The following PCNX2 variants were observed in gnomAD, a reference collection of about 807,000 sequenced individuals.
PCNX2 encodes the protein pecanex-like protein 2.
Under a neutral mutation model 223.8 loss-of-function variants are expected in PCNX2, and 168 were observed. That is an observed-to-expected ratio of 0.75 (90% CI 0.66 to 0.85). The LOEUF (loss-of-function observed/expected upper bound fraction) is 0.85, where lower values mean the gene tolerates loss of function less well. PCNX2 is among the 40% of genes least tolerant of loss of function. PCNX2 has a pLI of 0.00. For synonymous variants in PCNX2, 1,006 were observed against 1,052.6 expected (o/e 0.96, Z 0.86); for missense variants, 2,507 against 2,675.5 (o/e 0.94, Z 1.39).
At chr1:233,242,098 T>C (rs1658805516) in intron 8 of PCNX2, among the ~76,000 whole-genome samples, 1 of 151,900 alleles carries the variant, frequency 6.6e-6, no homozygotes, top group South Asian at 2.1e-4. Flanking sequence ...TCTGAGGAGG[T>C]AGTAAAGATT....
chr1:233,094,533 G>A (rs959683097), intron 22 of PCNX2, among the ~76,000 whole-genome samples: 1 of 152,158 alleles, frequency 6.6e-6, no homozygotes, highest in Non-Finnish European at 1.5e-5. Context: ...AATGTGTATT[G>A]TGAGATCCAC....
At position 233,192,481 on chromosome 1, in the gene PCNX2, G is replaced by A. The variant is rs75752068; in HGVS notation, c.3066+6458C>T. ...ACAGGTCTATGAACTGAACAGAGAC[G>A]ATGCTAGGTTATCAAAGACATATTC... is the stretch of plus-strand genomic sequence containing the variant. On this transcript the variant is annotated intron_variant, in intron 15 of 33. Transcript: ENST00000258229. Among the ~76,000 whole-genome samples, 978 of 152,184 alleles carry A rather than the reference G, an allele frequency of 6.4e-3. 32 individuals carry two copies. In the East Asian group the frequency reaches 0.079, roughly 12 times the overall value.
At position 233,014,672 on chromosome 1, in the gene PCNX2, C is replaced by A; in HGVS notation, c.4945G>T (p.Ala1649Ser). 1 of 1,613,782 alleles carries A rather than the reference C, an allele frequency of 6.2e-7. No homozygotes were observed. Among genetic ancestry groups the A allele is most frequent in the Non-Finnish European group, 8.5e-7 (1 of 1,179,712 alleles). The change falls in exon 28 of 34, where the codon GCC (alanine) becomes TCC (serine). Residue 1649 changes from alanine (A) to serine (S), a missense_variant. Around this residue, in one of 3 missense-constraint regions of PCNX2, gnomAD observed 1,372 missense variants for 1,509.4 expected, o/e 0.91. Coordinates refer to ENST00000258229, the MANE Select transcript of PCNX2 (RefSeq NM_014801.4). The part of the protein sequence containing the change: ...RALGTAAHNM[A>S]ISLDSFLYGL... ...ACTTCTCCCCCCAGGTACCTGATGG[C>A]CATATTGTGAGCGGCTGTTCCCAGA...
At chr1:233,195,951 A>T (rs1680704255) in intron 15 of PCNX2, among the ~76,000 whole-genome samples, 1 of 152,170 alleles carries the variant, frequency 6.6e-6, no homozygotes, top group Admixed American at 6.5e-5. Flanking sequence ...AAGAAATATG[A>T]CCTTTAATAG....
intron 19 of PCNX2, among the ~76,000 whole-genome samples, chr1:233,152,689 T>C (rs764771043): frequency 1.9e-4 from 29 of 152,196 alleles, no homozygotes; most frequent in Non-Finnish European, 3.1e-4. Flanking sequence ...ATGTATGACA[T>C]GTACATCCAG....
chr1:233,032,312 A>G (rs546143496), intron 25 of PCNX2, among the ~76,000 whole-genome samples: 1 of 152,126 alleles, frequency 6.6e-6, no homozygotes, highest in South Asian at 2.1e-4. Context: ...CCTGTTGGTC[A>G]TGCTGGTCTC....
chr1:233,167,459 T>C (rs77211860), intron 17 of PCNX2, among the ~76,000 whole-genome samples: 7,483 of 152,172 alleles, frequency 0.049, 236 homozygotes, highest in Middle Eastern at 0.11. Context: ...GTAGCAGATA[T>C]GTAGGATAAA....
At chr1:233,107,605 G>C (rs746952029) in intron 21 of PCNX2, among the ~76,000 whole-genome samples, 49 of 151,474 alleles carry the variant, frequency 3.2e-4, no homozygotes, top group Non-Finnish European at 5.2e-4. Flanking sequence ...ACTTCAGAAG[G>C]CTTCTGGTTT....
At chr1:233,325,681 C>T in the PCNX2 span, among the ~76,000 whole-genome samples, 4 of 151,956 alleles carry the variant, frequency 2.6e-5, no homozygotes, top group Admixed American at 6.6e-5. Context: ...CAAACTTGAA[C>T]AGATGAGGAG....
intron 21 of PCNX2, among the ~76,000 whole-genome samples, chr1:233,099,987 A>G (rs181580850): frequency 2.2e-4 from 34 of 152,334 alleles, no homozygotes; most frequent in African/African-American, 7.5e-4. Flanking sequence ...CACTCCTAAC[A>G]TTCTACTTCC....
Position 233,000,446 on chromosome 1 carries a change from G to A in PCNX2, c.5187C>T (p.His1729=), listed in dbSNP as rs377277630. The part of the protein sequence containing the change: ...QSFEKKVVIC[H]EGDPAWRGAV... Reference sequence around the variant, plus strand: ...CGCCCCGCCAGGCCGGGTCGCCCTCGTGGCAGATGACCACCTTCTTCTCGA... The same window carrying A: ...CGCCCCGCCAGGCCGGGTCGCCCTCATGGCAGATGACCACCTTCTTCTCGA... Residue 1729 remains histidine, a synonymous_variant, in exon 30 of 34, where the codon CAC becomes CAT. Transcript: ENST00000258229. The surrounding 1 kb of genome is among the most constrained non-coding windows in gnomAD (Gnocchi z 4.6). The A allele has an allele frequency of 2.4e-5, 39 of 1,598,028 alleles. No individual in the cohort carries two copies. The highest frequency in any genetic ancestry group is 1.5e-4 in the African/African-American group (11 of 74,528).
chr1:233,109,169 C>A (rs551798313), intron 21 of PCNX2, among the ~76,000 whole-genome samples: 3 of 152,200 alleles, frequency 2.0e-5, no homozygotes, highest in Non-Finnish European at 2.9e-5. Flanking sequence ...CTCCTCCCCC[C>A]ATATCAGAAG....
chr1:233,009,456 A>G (rs1670391932), intron 28 of PCNX2, among the ~76,000 whole-genome samples: 1 of 152,264 alleles, frequency 6.6e-6, no homozygotes, highest in South Asian at 2.1e-4. Context: ...TGAAATAATA[A>G]TTAACAAAAT....
intron 10 of PCNX2, among the ~76,000 whole-genome samples, chr1:233,221,180 G>T (rs532137507): frequency 8.0e-6 from 1 of 124,674 alleles, no homozygotes; most frequent in East Asian, 2.7e-4. Flanking sequence ...TAATCATGAG[G>T]CTCAAGTTGA....
chr1:233,078,186 C>T (rs551288533), intron 23 of PCNX2, among the ~76,000 whole-genome samples: 1 of 152,324 alleles, frequency 6.6e-6, no homozygotes, highest in Non-Finnish European at 1.5e-5. Context: ...AAAAGCCTCC[C>T]AGTACCTACA....
intron 26 of PCNX2, among the ~76,000 whole-genome samples, chr1:233,018,292 G>A (rs1185914274): frequency 3.9e-5 from 6 of 152,036 alleles, no homozygotes; most frequent in Admixed American, 3.3e-4. Flanking sequence ...CAAAGTGCGA[G>A]GATTACAGGG....
rs61731486 is a variant in PCNX2 at position 232,986,356 on chromosome 1, C to T, written c.5976G>A (p.Thr1992=). The part of the protein sequence containing the change: ...GSRLSLHASA[T]SLHSQPPPVT... ...CGGGCGGGGGCTGAGAGTGCAGGGA[C>T]GTGGCCGAGGCGTGCAAGGAGAGCC... is the stretch of plus-strand genomic sequence containing the variant. The change falls in exon 33 of 34, where the codon ACG becomes ACA. Residue 1992 remains threonine (T), a synonymous_variant. Transcript: ENST00000258229. 23 of 1,600,708 alleles carry T rather than the reference C, an allele frequency of 1.4e-5. No individual in the cohort carries two copies. Among genetic ancestry groups the T allele is most frequent in the Middle Eastern group, 1.7e-4 (1 of 5,958 alleles).
At chr1:233,127,520 C>A (rs1676173699) in intron 21 of PCNX2, among the ~76,000 whole-genome samples, 1 of 152,092 alleles carries the variant, frequency 6.6e-6, no homozygotes. Context: ...ACTATCACCT[C>A]CCTTATCATC....
In PCNX2 at chr1:233,218,093, T is replaced by C; in HGVS notation, c.2596A>G (p.Lys866Glu). The change falls in exon 11 of 34, where the codon AAA (lysine) becomes GAA (glutamate). Residue 866 changes from lysine (K) to glutamate (E), a missense_variant. Lys to Glu is a moderately conservative substitution (Grantham distance 56). Coordinates refer to ENST00000258229, the MANE Select transcript of PCNX2 (RefSeq NM_014801.4). ...GFLTLSQGFC[K>E]DMWVLLFCLV... ...CAGAAGAGGAGCACCCACATATCTT[T>C]GCAAAAGCCTTGGCTCAAGGTCAGA... is the stretch of plus-strand genomic sequence containing the variant. 6.3e-7 allele frequency: 1 copy of C among 1,576,744 alleles called. No homozygotes were observed.
Sources: gnomAD v4.1 joint callset for allele counts (sites outside exome capture counted in the v4.1 genomes callset) on GRCh38, gnomAD v4.1.1 for gene constraint, gnomAD v4.1.1 regional missense constraint, Gnocchi (gnomAD v3.1) non-coding constraint, MANE v1.5 for transcripts, NCBI Gene and HGNC (gene_info 2026-07-23, HGNC 2026-07-21) for gene names.